Variants in ADGRL2 observed in about 807,000 individuals in gnomAD.
The protein encoded by ADGRL2 is adhesion G protein-coupled receptor L2.
In ADGRL2, 44 loss-of-function variants were observed where a neutral mutation model predicts 157.4. The observed-to-expected ratio is 0.28, with a 90% CI of 0.22 to 0.36. The LOEUF (loss-of-function observed/expected upper bound fraction) is 0.36, where lower values mean the gene tolerates loss of function less well. ADGRL2 is among the 10% of genes least tolerant of loss of function. ADGRL2 has a pLI of 1.00. For missense variants in ADGRL2, 1,510 were observed against 1,768.9 expected, an observed-to-expected ratio of 0.85 and a Z score of 2.63; for synonymous variants, 585 against 624.7, an observed-to-expected ratio of 0.94 and a Z score of 0.95.
chr1:81,916,839 T>C (rs748032223), intron 3 of ADGRL2, among the ~76,000 whole-genome samples: 1 of 152,058 alleles, frequency 6.6e-6, no homozygotes, highest in Non-Finnish European at 1.5e-5. Flanking sequence ...CCTAGCTGTA[T>C]TTAATAGAGA....
chr1:81,894,115 T>C (rs2094330216), intron 2 of ADGRL2, among the ~76,000 whole-genome samples: 1 of 152,204 alleles, frequency 6.6e-6, no homozygotes, highest in African/African-American at 2.4e-5. Context: ...TTTCTGTAGT[T>C]TCTGGAAGTG....
intron 3 of ADGRL2, among the ~76,000 whole-genome samples, chr1:81,604,762 C>A (rs370688909): frequency 2.4e-4 from 37 of 152,170 alleles, no homozygotes; most frequent in African/African-American, 8.7e-4. Context: ...AAGAACACAG[C>A]ACATTAGGAT....
intron 1 of ADGRL2, among the ~76,000 whole-genome samples, chr1:81,311,932 G>A (rs1278166138): frequency 3.3e-5 from 5 of 152,190 alleles, no homozygotes; most frequent in Non-Finnish European, 5.9e-5. Flanking sequence ...GAAGAGATGA[G>A]GAGAGGAGGG....
chr1:81,968,427 C>T (rs959126741), intron 14 of ADGRL2, among the ~76,000 whole-genome samples: 1 of 152,152 alleles, frequency 6.6e-6, no homozygotes, highest in African/African-American at 2.4e-5. Context: ...AGTTTTCCTC[C>T]TTGGGGCAGG....
chr1:81,546,907 G>A (rs2080031066), intron 2 of ADGRL2, among the ~76,000 whole-genome samples: 1 of 152,146 alleles, frequency 6.6e-6, no homozygotes, highest in South Asian at 2.1e-4. Flanking sequence ...GCATTCTGAA[G>A]CCTCCATTGC....
chr1:81,901,214 G>A (rs1016659292), intron 2 of ADGRL2, among the ~76,000 whole-genome samples: 1 of 151,996 alleles, frequency 6.6e-6, no homozygotes, highest in African/African-American at 2.4e-5. Flanking sequence ...TAGCATATAA[G>A]GATTTTAAAC....
At chr1:81,395,436 T>G (rs1191712467) in intron 1 of ADGRL2, among the ~76,000 whole-genome samples, 1 of 152,232 alleles carries the variant, frequency 6.6e-6, no homozygotes, top group African/African-American at 2.4e-5. Context: ...TTGCATATTC[T>G]GGTTAGTAAT....
intron 1 of ADGRL2, among the ~76,000 whole-genome samples, chr1:81,426,122 C>A (rs948780654): frequency 2.6e-5 from 4 of 152,100 alleles, no homozygotes; most frequent in Non-Finnish European, 5.9e-5. Flanking sequence ...TTTTTATGGA[C>A]AAGTTTGATG....
intron 2 of ADGRL2, among the ~76,000 whole-genome samples, chr1:81,516,931 G>T (rs1286938180): frequency 7.4e-6 from 1 of 135,776 alleles, no homozygotes; most frequent in Non-Finnish European, 1.6e-5. Context: ...ACACTAACTT[G>T]CATACAGTGG....
intron 2 of ADGRL2, chr1:81,502,469 C>T: frequency 6.2e-7 from 1 of 1,613,966 alleles, no homozygotes; most frequent in Non-Finnish European, 8.5e-7. Flanking sequence ...CGTCTTTATG[C>T]AGAAGAGGCG....
At chr1:81,541,090 T>C (rs781481452) in intron 2 of ADGRL2, among the ~76,000 whole-genome samples, 1 of 152,140 alleles carries the variant, frequency 6.6e-6, no homozygotes, top group East Asian at 1.9e-4. Context: ...AATTTATTTG[T>C]GGGGGAACAG....
chr1:81,422,322 G>T (rs895968817), intron 1 of ADGRL2, among the ~76,000 whole-genome samples: 3 of 152,068 alleles, frequency 2.0e-5, no homozygotes, highest in Admixed American at 6.5e-5. Flanking sequence ...TCAGCTCACT[G>T]CAATCTCCAC....
intron 1 of ADGRL2, among the ~76,000 whole-genome samples, chr1:81,367,422 C>T (rs2076085220): frequency 6.6e-6 from 1 of 152,116 alleles, no homozygotes; most frequent in Non-Finnish European, 1.5e-5. Context: ...ACCATGTGTC[C>T]ATGTGTTCTC....
intron 2 of ADGRL2, among the ~76,000 whole-genome samples, chr1:81,888,471 G>A (rs1010226195): frequency 1.3e-5 from 2 of 152,046 alleles, no homozygotes; most frequent in African/African-American, 4.8e-5. Context: ...ATGGAGTCTT[G>A]CTCTGTAACC....
intron 1 of ADGRL2, among the ~76,000 whole-genome samples, chr1:81,368,275 A>T (rs2076101179): frequency 6.6e-6 from 1 of 152,156 alleles, no homozygotes; most frequent in Non-Finnish European, 1.5e-5. Context: ...TTCTCTAATG[A>T]CCAGTGATGT....
chr1:81,878,151 C>T (rs1156950442), intron 2 of ADGRL2, among the ~76,000 whole-genome samples: 1 of 152,018 alleles, frequency 6.6e-6, no homozygotes, highest in Non-Finnish European at 1.5e-5. Context: ...CATAGCTTTC[C>T]AAGTATGCAA....
At chr1:81,856,796 T>C (rs565979982) in intron 2 of ADGRL2, among the ~76,000 whole-genome samples, 1 of 151,986 alleles carries the variant, frequency 6.6e-6, no homozygotes, top group East Asian at 1.9e-4. Context: ...AGGGCATACT[T>C]AATTACAGAA....
At chr1:81,785,061 G>A (rs1270164336) in intron 2 of ADGRL2, among the ~76,000 whole-genome samples, 2 of 152,102 alleles carry the variant, frequency 1.3e-5, no homozygotes, top group East Asian at 1.9e-4. Flanking sequence ...TTTCTATTAC[G>A]AAGGGGATCC....
intron 1 of ADGRL2, among the ~76,000 whole-genome samples, chr1:81,707,516 C>G (rs1443175554): frequency 6.6e-6 from 1 of 152,170 alleles, no homozygotes; most frequent in Non-Finnish European, 1.5e-5. Context: ...CTCACAAAAG[C>G]TTTGCTATCC....
Sources: allele counts gnomAD v4.1 joint callset (sites outside exome capture counted in the v4.1 genomes callset), GRCh38; gene constraint gnomAD v4.1.1; transcripts MANE v1.5; gene names NCBI Gene and HGNC (gene_info 2026-07-23, HGNC 2026-07-21).